Variants in ZKSCAN5 observed in about 807,000 individuals in gnomAD.
ZKSCAN5 encodes the protein zinc finger with KRAB and SCAN domains 5.
Under a neutral mutation model 60.0 loss-of-function variants are expected in ZKSCAN5, and 28 were observed. The observed-to-expected ratio is 0.47, with a 90% CI of 0.35 to 0.64. The LOEUF (loss-of-function observed/expected upper bound fraction) is 0.64, where lower values mean the gene tolerates loss of function less well. Ranked by LOEUF, ZKSCAN5 falls within the 30% of genes least tolerant of loss-of-function variation. ZKSCAN5 has a pLI of 0.01. For missense variants in ZKSCAN5, 881 were observed against 1,034.6 expected, an observed-to-expected ratio of 0.85 and a Z score of 2.04; for synonymous variants, 361 against 371.2, an observed-to-expected ratio of 0.97 and a Z score of 0.31.
At chr7:99,507,511 G>GTATATATGTATATATA (rs1231084896) in intron 2 of ZKSCAN5, among the ~76,000 whole-genome samples, 5 of 137,644 alleles carry the variant, frequency 3.6e-5, no homozygotes, top group South Asian at 4.6e-4. Flanking sequence ...GTATATATAT[G>GTATATATGTATATATA]TGTGTATATA....
intron 2 of ZKSCAN5, among the ~76,000 whole-genome samples, chr7:99,511,998 T>G (rs937630938): frequency 1.3e-5 from 2 of 152,148 alleles, no homozygotes; most frequent in Non-Finnish European, 2.9e-5. Context: ...TTCACCGTGT[T>G]AGCCAGATTG....
chr7:99,510,052 C>G (rs1436948015), intron 2 of ZKSCAN5, among the ~76,000 whole-genome samples: 2 of 151,924 alleles, frequency 1.3e-5, no homozygotes, highest in African/African-American at 4.8e-5. Flanking sequence ...TCAAGTGATC[C>G]TCTTGAGTAG....
chr7:99,519,174 C>T (rs1249432763), intron 3 of ZKSCAN5, among the ~76,000 whole-genome samples: 4 of 151,566 alleles, frequency 2.6e-5, no homozygotes, highest in African/African-American at 9.7e-5. Flanking sequence ...TGGGGTTTCA[C>T]CATACAGGCC....
intron 3 of ZKSCAN5, among the ~76,000 whole-genome samples, chr7:99,518,434 T>A (rs1337267884): frequency 6.7e-6 from 1 of 149,706 alleles, no homozygotes; most frequent in African/African-American, 2.5e-5. Flanking sequence ...AAAAAAAAAT[T>A]TTTTTTAATT....
At chr7:99,525,512 CAA>C (rs1476185882) in intron 5 of ZKSCAN5, among the ~76,000 whole-genome samples, 1 of 152,006 alleles carries the variant, frequency 6.6e-6, no homozygotes, top group East Asian at 1.9e-4. Context: ...CACACACACA[CAA>C]GAGAACATTT....
chr7:99,530,828 G>A (rs1304119299), intron 6 of ZKSCAN5, among the ~76,000 whole-genome samples: 3 of 152,030 alleles, frequency 2.0e-5, no homozygotes, highest in South Asian at 2.1e-4. Flanking sequence ...AGGCTGAGGC[G>A]GGTGGATCAC....
chr7:99,507,530 T>C (rs1455786130), intron 2 of ZKSCAN5, among the ~76,000 whole-genome samples: 1 of 135,430 alleles, frequency 7.4e-6, no homozygotes, highest in East Asian at 2.0e-4. Flanking sequence ...TATGTATATG[T>C]GTATATATAT....
rs111496795 is a variant in ZKSCAN5, at chr7:99,529,157, T to C, written c.1379-1951T>C. Among the ~76,000 whole-genome samples, 1,224 of 152,298 alleles carry C rather than the reference T, an allele frequency of 8.0e-3. 22 individuals carry two copies. Among genetic ancestry groups the C allele is most frequent in the African/African-American group, 0.028 (1,172 of 41,552 alleles). On this transcript the variant is annotated intron_variant, in intron 6 of 6. Transcript: ENST00000326775. ...TGTATTTGTTTTTTGTTTTTCTTTT[T>C]TGAGATGGAGTCTCACTCTGTCACC...
chr7:99,525,928 T>G lies in ZKSCAN5; in HGVS notation c.888T>G (p.Phe296Leu). The G allele has an allele frequency of 6.2e-7, 1 of 1,614,028 alleles. No homozygotes were observed. The highest frequency in any genetic ancestry group is 1.1e-5 in the South Asian group (1 of 91,082). Reference protein sequence around the residue: ...TERSVPQDPDFAEVSDLKGMV... With the variant: ...TERSVPQDPDLAEVSDLKGMV... ...GGAGCGTTCCTCAGGATCCAGACTT[T>G]GCAGAAGTCAGTGACCTTAAAGGCA... The change falls in exon 6 of 7, where the codon TTT becomes TTG. Residue 296 changes from phenylalanine (F) to leucine (L), a missense_variant. By Grantham distance (22) the Phe-to-Leu change is conservative. Coordinates refer to ENST00000326775, the MANE Select transcript of ZKSCAN5 (RefSeq NM_145102.4).
chr7:99,526,923 C>A (rs1488384747), intron 6 of ZKSCAN5, among the ~76,000 whole-genome samples: 2 of 152,202 alleles, frequency 1.3e-5, no homozygotes, highest in African/African-American at 4.8e-5. Context: ...TTAGTTGGCT[C>A]ATCAATTTTA....
rs144861759 is a variant in ZKSCAN5, at chr7:99,533,623, C to G, written c.*1374C>G. On this transcript the variant is annotated 3_prime_UTR_variant, in exon 7 of 7. Transcript: ENST00000326775. ...GCCATCTCACCTCACCCAGGAGTCACTTCCTCTCTACACCCCAACACCTGG... is the reference window on the plus strand; with the variant it reads ...GCCATCTCACCTCACCCAGGAGTCAGTTCCTCTCTACACCCCAACACCTGG... 1.0e-4 allele frequency: 42 copies of G among 406,934 alleles called. No individual in the cohort carries two copies. The Middle Eastern group carries it at 2.5e-3, about 24-fold the overall frequency. The allele number at this position is 406,934 out of a possible 1,614,324, so 25.2% of individuals were successfully genotyped here. A position where few individuals can be genotyped will look rare whatever the true frequency, so the allele number is the denominator to read the frequency against.
At chr7:99,527,010 C>A (rs1053496431) in intron 6 of ZKSCAN5, among the ~76,000 whole-genome samples, 10 of 152,114 alleles carry the variant, frequency 6.6e-5, no homozygotes, top group Admixed American at 2.0e-4. Flanking sequence ...TTCCCCTTTT[C>A]CCAATTTAGT....
intron 6 of ZKSCAN5, among the ~76,000 whole-genome samples, chr7:99,529,432 C>T (rs1801947802): frequency 6.6e-6 from 1 of 152,190 alleles, no homozygotes; most frequent in African/African-American, 2.4e-5. Flanking sequence ...CGAGTCACCA[C>T]ACCCAGCCTG....
At position 99,523,606 on chromosome 7, in the gene ZKSCAN5, A is replaced by AAATCAATC. The variant is rs58654797; in HGVS notation, c.773-2183_773-2176dup. Among the ~76,000 whole-genome samples the AAATCAATC allele has an allele frequency of 6.5e-3, 925 of 143,132 alleles. 6 individuals are homozygous for AAATCAATC. The highest frequency in any genetic ancestry group is 0.022 in the African/African-American group (883 of 40,756). 93.9% of individuals were successfully genotyped at this position (143,132 alleles called of 152,430 possible). ...GGGTGACAGAGCAAGACCCAGTCTC[A>AAATCAATC]AATCAATCAATCAATCAATCAATCA... On this transcript the variant is annotated intron_variant, in intron 5 of 6. Coordinates refer to ENST00000326775, the MANE Select transcript of ZKSCAN5 (RefSeq NM_145102.4).
At chr7:99,525,249 A>G (rs1801724347) in intron 5 of ZKSCAN5, among the ~76,000 whole-genome samples, 1 of 151,916 alleles carries the variant, frequency 6.6e-6, no homozygotes, top group Non-Finnish European at 1.5e-5. Context: ...AGGTGGGAGG[A>G]TCACTTGAGC....
At chr7:99,523,750 G>A (rs1801650431) in intron 5 of ZKSCAN5, among the ~76,000 whole-genome samples, 1 of 151,926 alleles carries the variant, frequency 6.6e-6, no homozygotes, top group Non-Finnish European at 1.5e-5. Flanking sequence ...TTTGTGATAG[G>A]GTTTTTTGTT....
At chr7:99,514,956 T>C (rs1290394863) in intron 3 of ZKSCAN5, among the ~76,000 whole-genome samples, 1 of 151,324 alleles carries the variant, frequency 6.6e-6, no homozygotes, top group Non-Finnish European at 1.5e-5. Flanking sequence ...GGCACACGCC[T>C]GTGGTCCCGG....
rs762010049 is a variant in ZKSCAN5, at chr7:99,520,187, G to C, written c.655G>C (p.Glu219Gln). ...TGSQKLVKIE[E>Q]VADVAVSFIL... ...GTTTCAGAAGTTGGTGAAAATTGAAGAGGTGGCTGATGTGGCTGTATCCTT... is the reference window on the plus strand; with the variant it reads ...GTTTCAGAAGTTGGTGAAAATTGAACAGGTGGCTGATGTGGCTGTATCCTT... The change falls in exon 5 of 7, where the codon GAG becomes CAG. Residue 219 changes from glutamate (E) to glutamine (Q), a missense_variant. This residue lies in a region of ZKSCAN5 where 490 missense variants were observed against 554.5 expected (regional missense o/e 0.88). Coordinates refer to ENST00000326775, the MANE Select transcript of ZKSCAN5 (RefSeq NM_145102.4). The C allele has an allele frequency of 6.2e-7, 1 of 1,612,840 alleles. No individual in the cohort carries two copies. Among genetic ancestry groups the C allele is most frequent in the Admixed American group, 1.7e-5 (1 of 59,518 alleles).
intron 2 of ZKSCAN5, among the ~76,000 whole-genome samples, chr7:99,508,255 T>C (rs1346972244): frequency 6.7e-6 from 1 of 150,046 alleles, no homozygotes; most frequent in African/African-American, 2.4e-5. Flanking sequence ...GCCGAGATTG[T>C]GCCACTGCAC....
Sources: allele counts gnomAD v4.1 joint callset (sites outside exome capture counted in the v4.1 genomes callset), GRCh38; gene constraint gnomAD v4.1.1; regional missense constraint gnomAD v4.1.1; transcripts MANE v1.5; gene names NCBI Gene and HGNC (gene_info 2026-07-23, HGNC 2026-07-21).